The following CREM variants were observed in gnomAD, a reference collection of about 807,000 sequenced individuals.
The protein encoded by CREM is cAMP responsive element modulator.
CREM carries 13 observed loss-of-function variants against 37.3 expected under a neutral mutation model. The observed-to-expected ratio is 0.35, with a 90% CI of 0.23 to 0.55. The LOEUF is 0.55. Ranked by LOEUF, CREM falls within the 20% of genes least tolerant of loss-of-function variation. The pLI is 0.88. For synonymous variants in CREM, 124 were observed against 120.2 expected (o/e 1.03, Z -0.21); for missense variants, 296 against 362.3 (o/e 0.82, Z 1.49).
chr10:35,151,653 T>C (rs878264), intron 3 of CREM, among the ~76,000 whole-genome samples: 51,531 of 152,160 alleles, frequency 0.34, 8,784 homozygotes, highest in South Asian at 0.35. Flanking sequence ...GGATTACTGG[T>C]GTGAGCCACT....
At chr10:35,138,720 T>C (rs1231246392) in intron 2 of CREM, among the ~76,000 whole-genome samples, 1 of 151,646 alleles carries the variant, frequency 6.6e-6, no homozygotes, top group Non-Finnish European at 1.5e-5. Flanking sequence ...AAACAATTTA[T>C]TACTAAAAAA....
In CREM at chr10:35,195,292, G is replaced by A. The variant is rs529992446; in HGVS notation, c.598+6904G>A. The A allele has an allele frequency of 1.6e-4, 242 of 1,552,264 alleles. 2 individuals carry two copies. In the South Asian group the frequency reaches 2.6e-3, roughly 16 times the overall value. Reference sequence around the variant, plus strand: ...TTAGGAAGTATTCAGGAACATCTGAGTGTTTCAGAAAGTGTTACTCTCCTA... The same window carrying A: ...TTAGGAAGTATTCAGGAACATCTGAATGTTTCAGAAAGTGTTACTCTCCTA... On this transcript the variant is annotated intron_variant, in intron 6 of 7. Coordinates refer to ENST00000685392, the MANE Select transcript of CREM (RefSeq NM_183011.2).
chr10:35,196,175 C>T, intron 6 of CREM: 2 of 1,503,438 alleles, frequency 1.3e-6, no homozygotes, highest in Admixed American at 1.8e-5. Context: ...TATAAGCTGG[C>T]GGGTTCTTTA....
At chr10:35,149,925 CACACACACACACA>C (rs1589466830) in intron 3 of CREM, among the ~76,000 whole-genome samples, 1 of 133,362 alleles carries the variant, frequency 7.5e-6, no homozygotes, top group African/African-American at 2.6e-5. Flanking sequence ...CACACACACA[CACACACACACACA>C]CCCTTGTTAA....
chr10:35,208,939 C>T (rs944170227), intron 7 of CREM, among the ~76,000 whole-genome samples: 8 of 152,158 alleles, frequency 5.3e-5, no homozygotes, highest in Non-Finnish European at 7.3e-5. Context: ...ATTTTAAGTG[C>T]TTTATTTCTA....
intron 5 of CREM, among the ~76,000 whole-genome samples, chr10:35,187,119 T>C (rs528247673): frequency 0.026 from 1,997 of 77,746 alleles, 92 homozygotes; most frequent in African/African-American, 0.096. Flanking sequence ...TATATAAATA[T>C]ATAAATATAT....
intron 6 of CREM, among the ~76,000 whole-genome samples, chr10:35,203,646 T>C (rs2095441758): frequency 6.6e-6 from 1 of 152,186 alleles, no homozygotes; most frequent in Non-Finnish European, 1.5e-5. Context: ...GAGCCGAGAT[T>C]GTGCCACTGC....
intron 2 of CREM, among the ~76,000 whole-genome samples, chr10:35,142,014 A>G (rs1282642767): frequency 6.6e-6 from 1 of 152,234 alleles, no homozygotes; most frequent in Non-Finnish European, 1.5e-5. Context: ...AGTGACAGAG[A>G]TTAGTTACCA....
At chr10:35,141,899 G>A (rs1360797330) in intron 2 of CREM, among the ~76,000 whole-genome samples, 1 of 152,158 alleles carries the variant, frequency 6.6e-6, no homozygotes, top group Non-Finnish European at 1.5e-5. Context: ...GGAAAATGTA[G>A]TATCAGAACG....
At chr10:35,170,131 T>G (rs1464793939) in intron 3 of CREM, among the ~76,000 whole-genome samples, 1 of 151,816 alleles carries the variant, frequency 6.6e-6, no homozygotes, top group East Asian at 1.9e-4. Context: ...CCCGGCTAAT[T>G]TTTTTTGTAT....
At chr10:35,138,368 T>A (rs1323694685) in intron 2 of CREM, among the ~76,000 whole-genome samples, 1 of 152,254 alleles carries the variant, frequency 6.6e-6, no homozygotes. Context: ...GATTTTCCAC[T>A]TTTTGTAAAG....
chr10:35,193,421 A>G (rs1424296757), intron 6 of CREM, among the ~76,000 whole-genome samples: 1 of 152,172 alleles, frequency 6.6e-6, no homozygotes, highest in African/African-American at 2.4e-5. Flanking sequence ...GCCAATTTAA[A>G]GAAATGCTGA....
At chr10:35,138,207 T>G (rs1028660535) in intron 2 of CREM, among the ~76,000 whole-genome samples, 1 of 152,242 alleles carries the variant, frequency 6.6e-6, no homozygotes, top group African/African-American at 2.4e-5. Flanking sequence ...CCTCCCGGCC[T>G]TTCGGCCATA....
At chr10:35,185,713 A>G (rs1590123374) in intron 5 of CREM, among the ~76,000 whole-genome samples, 1 of 152,210 alleles carries the variant, frequency 6.6e-6, no homozygotes, top group African/African-American at 2.4e-5. Context: ...TGTACAGAAA[A>G]TAACTGCTCT....
intron 2 of CREM, among the ~76,000 whole-genome samples, chr10:35,142,891 A>C (rs1391385345): frequency 6.6e-6 from 1 of 152,132 alleles, no homozygotes; most frequent in Non-Finnish European, 1.5e-5. Flanking sequence ...TACAGGCGTG[A>C]GCCCCTGTGC....
intron 2 of CREM, among the ~76,000 whole-genome samples, chr10:35,146,780 T>C (rs147361072): frequency 1.3e-5 from 2 of 152,192 alleles, no homozygotes; most frequent in African/African-American, 4.8e-5. Context: ...GCAGACAGGT[T>C]TGAGCATGGA....
At chr10:35,127,933 C>T (rs1441405209) in intron 1 of CREM, among the ~76,000 whole-genome samples, 3 of 152,112 alleles carry the variant, frequency 2.0e-5, no homozygotes, top group Admixed American at 6.5e-5. Flanking sequence ...GCAGCCTCTG[C>T]CTCCTGGGTT....
intron 3 of CREM, among the ~76,000 whole-genome samples, chr10:35,158,089 A>G (rs551592046): frequency 6.6e-6 from 1 of 152,280 alleles, no homozygotes; most frequent in African/African-American, 2.4e-5. Flanking sequence ...ATTGAAGGAG[A>G]CACAAGTAAA....
chr10:35,167,895 A>G, intron 3 of CREM: 1 of 1,198,692 alleles, frequency 8.3e-7, no homozygotes, highest in South Asian at 1.3e-5. Flanking sequence ...CATCCATTTT[A>G]TGTTTTAGTT....
Sources: gnomAD v4.1 joint callset for allele counts (sites outside exome capture counted in the v4.1 genomes callset) on GRCh38, gnomAD v4.1.1 for gene constraint, MANE v1.5 for transcripts, NCBI Gene and HGNC (gene_info 2026-07-23, HGNC 2026-07-21) for gene names.